The following GPATCH2 variants were observed in gnomAD, a reference collection of about 807,000 sequenced individuals.
GPATCH2 encodes the protein G patch domain-containing protein 2.
Under a neutral mutation model 58.0 loss-of-function variants are expected in GPATCH2, and 51 were observed. The ratio of observed to expected loss-of-function variants is 0.88; its 90% confidence interval spans 0.70 to 1.11. The LOEUF (loss-of-function observed/expected upper bound fraction) is 1.11. Among genes scored for constraint, GPATCH2 ranks in the 50% most tolerant of loss-of-function variants. The probability of loss-of-function intolerance (pLI) is 0.00; values close to 1 mark genes in which losing one functional copy is unlikely to be tolerated. For synonymous variants in GPATCH2, 222 were observed against 218.5 expected, an observed-to-expected ratio of 1.02 and a Z score of -0.14; for missense variants, 625 against 652.2, an observed-to-expected ratio of 0.96 and a Z score of 0.45.
chr1:217,503,362 T>C (rs536050078), intron 6 of GPATCH2, among the ~76,000 whole-genome samples: 2 of 152,196 alleles, frequency 1.3e-5, no homozygotes, highest in South Asian at 4.1e-4. Flanking sequence ...CTATTCTTTC[T>C]AGAAGTTTGG....
intron 8 of GPATCH2, among the ~76,000 whole-genome samples, chr1:217,484,532 A>G (rs1177942119): frequency 7.2e-6 from 1 of 138,674 alleles, no homozygotes; most frequent in Non-Finnish European, 1.5e-5. Context: ...ATTCCTTCAA[A>G]TAAATCTTTC....
intron 5 of GPATCH2, among the ~76,000 whole-genome samples, chr1:217,559,267 A>T (rs1397494195): frequency 1.3e-5 from 2 of 152,060 alleles, no homozygotes; most frequent in African/African-American, 4.8e-5. Flanking sequence ...ATACCTCTCA[A>T]ACACTATACT....
chr1:217,459,358 G>GA (rs1161940742), intron 8 of GPATCH2, among the ~76,000 whole-genome samples: 2 of 152,182 alleles, frequency 1.3e-5, no homozygotes, highest in African/African-American at 4.8e-5. Flanking sequence ...GGAAATTGAG[G>GA]AAAATTCATT....
intron 5 of GPATCH2, among the ~76,000 whole-genome samples, chr1:217,521,010 ACTT>A (rs1348286427): frequency 2.6e-5 from 4 of 152,056 alleles, no homozygotes; most frequent in African/African-American, 7.2e-5. Context: ...ATGCCCAGTT[ACTT>A]CTTAAAAGTT....
At chr1:217,596,900 G>A (rs1274321727) in intron 5 of GPATCH2, among the ~76,000 whole-genome samples, 1 of 152,012 alleles carries the variant, frequency 6.6e-6, no homozygotes, top group African/African-American at 2.4e-5. Flanking sequence ...ACACTAGCTA[G>A]GACTTCCCAG....
chr1:217,583,952 A>C (rs1347769632), intron 5 of GPATCH2, among the ~76,000 whole-genome samples: 1 of 152,114 alleles, frequency 6.6e-6, no homozygotes, highest in African/African-American at 2.4e-5. Flanking sequence ...GGTAAAACAA[A>C]GCTAGTTTCA....
At chr1:217,629,393 G>A (rs907274930) in intron 1 of GPATCH2, among the ~76,000 whole-genome samples, 2 of 152,200 alleles carry the variant, frequency 1.3e-5, no homozygotes, top group Admixed American at 6.5e-5. Flanking sequence ...TATGACAAGC[G>A]AGCCTTTAAA....
chr1:217,455,660 G>A (rs1287081608), intron 8 of GPATCH2, among the ~76,000 whole-genome samples: 1 of 152,126 alleles, frequency 6.6e-6, no homozygotes, highest in Non-Finnish European at 1.5e-5. Context: ...GTGAGCCACT[G>A]ATATGGACAG....
At chr1:217,510,424 CAT>C (rs1368388073) in intron 6 of GPATCH2, among the ~76,000 whole-genome samples, 2 of 151,238 alleles carry the variant, frequency 1.3e-5, no homozygotes, top group Non-Finnish European at 2.9e-5. Flanking sequence ...GAAAATTTTA[CAT>C]AGTTTATTTT....
intron 9 of GPATCH2, among the ~76,000 whole-genome samples, chr1:217,442,422 A>G (rs1290425005): frequency 1.3e-5 from 2 of 152,166 alleles, no homozygotes; most frequent in African/African-American, 4.8e-5. Context: ...GCACACCACC[A>G]TGGTATGTGT....
chr1:217,433,522 G>A (rs1475496030), intron 9 of GPATCH2, among the ~76,000 whole-genome samples: 7 of 151,524 alleles, frequency 4.6e-5, no homozygotes, highest in African/African-American at 1.7e-4. Flanking sequence ...TCAGCCTCCC[G>A]AGTACCTGGG....
chr1:217,458,598 T>C lies in GPATCH2; in HGVS notation c.1278-9261A>G, dbSNP rs577241002. On this transcript the variant is annotated intron_variant, in intron 8 of 9. Coordinates refer to ENST00000366935, the MANE Select transcript of GPATCH2 (RefSeq NM_018040.5). The stretch of plus-strand genomic sequence containing the variant: ...ATTTTTCCAGGTCCTTTAGATTTTT[T>C]TTCTTAACAACTGGTACTCATCGAG... 5.9e-5 allele frequency among the ~76,000 whole-genome samples: 9 copies of C among 152,300 alleles called. No individual in the cohort carries two copies. In the East Asian group the frequency reaches 1.7e-3, roughly 29 times the overall value.
Position 217,445,614 on chromosome 1 carries a change from A to T in GPATCH2, c.1366+3635T>A, listed in dbSNP as rs555571985. Among the ~76,000 whole-genome samples the T allele has an allele frequency of 3.3e-5, 5 of 152,250 alleles. No individual in the cohort carries two copies. The East Asian group carries it at 9.6e-4, about 29-fold the overall frequency. ...GACATCCACTAAGTTTCATTATGTG[A>T]CTTTGAATGACGCAGAGAACAAGCT... On this transcript the variant is annotated intron_variant, in intron 9 of 9. Transcript: ENST00000366935.
intron 8 of GPATCH2, among the ~76,000 whole-genome samples, chr1:217,477,452 A>G (rs1007508128): frequency 3.9e-5 from 6 of 152,186 alleles, no homozygotes; most frequent in African/African-American, 1.4e-4. Flanking sequence ...TGGTTCCTGT[A>G]TGGCATTTTT....
intron 7 of GPATCH2, chr1:217,498,150 G>A: frequency 1.5e-6 from 1 of 648,126 alleles, no homozygotes; most frequent in Non-Finnish European, 2.8e-6. Context: ...GAAGACAGTG[G>A]CAGTAAAGGA....
At chr1:217,514,946 T>C (rs1195555745) in intron 5 of GPATCH2, 57 bp from the exon 6 acceptor site, 8 of 784,930 alleles carry the variant, frequency 1.0e-5, no homozygotes, top group South Asian at 2.9e-5. Flanking sequence ...AAAACGACCA[T>C]GGATAATAGT....
intron 8 of GPATCH2, among the ~76,000 whole-genome samples, chr1:217,481,126 TTAAC>T (rs1279054972): frequency 6.6e-6 from 1 of 152,130 alleles, no homozygotes; most frequent in Non-Finnish European, 1.5e-5. Context: ...CAATAATAAT[TTAAC>T]TATACATTTT....
intron 3 of GPATCH2, among the ~76,000 whole-genome samples, chr1:217,612,790 C>A (rs141309822): frequency 3.0e-4 from 46 of 152,246 alleles, no homozygotes; most frequent in African/African-American, 1.1e-3. Flanking sequence ...ATCAGACAGA[C>A]CAATTAGAAT....
At chr1:217,527,390 A>G (rs936387777) in intron 5 of GPATCH2, among the ~76,000 whole-genome samples, 11 of 152,094 alleles carry the variant, frequency 7.2e-5, no homozygotes, top group Non-Finnish European at 1.3e-4. Flanking sequence ...GCTTCTAAGG[A>G]AAGTTCTTTA....
Sources: allele counts gnomAD v4.1 joint callset (sites outside exome capture counted in the v4.1 genomes callset), GRCh38; gene constraint gnomAD v4.1.1; transcripts MANE v1.5; gene names NCBI Gene and HGNC (gene_info 2026-07-23, HGNC 2026-07-21).